The following PREX1 variants were observed in gnomAD, a reference collection of about 807,000 sequenced individuals.
The protein encoded by PREX1 is phosphatidylinositol-3,4,5-trisphosphate dependent Rac exchange factor 1.
In PREX1, 41 loss-of-function variants were observed where a neutral mutation model predicts 198.3. That is an observed-to-expected ratio of 0.21 (90% CI 0.16 to 0.27). The LOEUF (loss-of-function observed/expected upper bound fraction) is 0.27. Among genes scored for constraint, PREX1 ranks in the 10% least tolerant of loss-of-function variants. PREX1 has a pLI of 1.00. For synonymous variants in PREX1, 843 were observed against 887.2 expected, an observed-to-expected ratio of 0.95 and a Z score of 0.89; for missense variants, 1,620 against 2,200.7, an observed-to-expected ratio of 0.74 and a Z score of 5.28.
chr20:48,680,757 C>T (rs758056185), intron 11 of PREX1, among the ~76,000 whole-genome samples: 1 of 151,954 alleles, frequency 6.6e-6, no homozygotes, highest in African/African-American at 2.4e-5. Context: ...CAAAAGTGAA[C>T]GCCAACACCA....
intron 1 of PREX1, among the ~76,000 whole-genome samples, chr20:48,754,512 C>G (rs1008236869): frequency 1.3e-5 from 2 of 152,058 alleles, no homozygotes; most frequent in African/African-American, 4.8e-5. Context: ...AAATCTCTCC[C>G]TGGAGATAAA....
intron 1 of PREX1, among the ~76,000 whole-genome samples, chr20:48,817,612 C>T (rs60545419): frequency 0.01 from 1,534 of 152,258 alleles, 19 homozygotes; most frequent in African/African-American, 0.035. Context: ...GACAATCTGG[C>T]TAGGCCCCTG....
chr20:48,645,057 A>C (rs901318487), intron 26 of PREX1, among the ~76,000 whole-genome samples: 3 of 152,276 alleles, frequency 2.0e-5, no homozygotes, highest in African/African-American at 7.2e-5. Context: ...GACTATGGAC[A>C]TGAGGCTCTG....
chr20:48,747,958 G>A (rs2090116994), intron 1 of PREX1, 78 bp from the exon 2 acceptor site: 1 of 1,323,078 alleles, frequency 7.6e-7, no homozygotes, highest in Admixed American at 1.9e-5. Context: ...AGGCTCTCAA[G>A]TTCAAATGCC....
At chr20:48,824,697 T>G (rs941355755) in intron 1 of PREX1, among the ~76,000 whole-genome samples, 3 of 152,172 alleles carry the variant, frequency 2.0e-5, no homozygotes, top group Admixed American at 2.0e-4. Context: ...GTTAAGGTGT[T>G]TGCCCAAGGT....
At chr20:48,767,789 C>A (rs542652365) in intron 1 of PREX1, among the ~76,000 whole-genome samples, 21 of 152,190 alleles carry the variant, frequency 1.4e-4, no homozygotes, top group African/African-American at 4.8e-4. Context: ...TGCTGTTCCC[C>A]GCCCCTCATC....
chr20:48,855,080 T>A, the PREX1 span, among the ~76,000 whole-genome samples: 1 of 152,162 alleles, frequency 6.6e-6, no homozygotes, highest in Admixed American at 6.5e-5. Context: ...AATATGATTA[T>A]CATACCGATT....
At position 48,791,622 on chromosome 20, in the gene PREX1, G is replaced by A. The variant is rs564883177; in HGVS notation, c.219+36020C>T. On this transcript the variant is annotated intron_variant, in intron 1 of 39. Coordinates refer to ENST00000371941, the MANE Select transcript of PREX1 (RefSeq NM_020820.4). ...GGTCAGGTTTCAACACAATTGAAAC[G>A]GACAAGAGCCAGAACTCCCCAGGAA... is the stretch of plus-strand genomic sequence containing the variant. Among the ~76,000 whole-genome samples the A allele has an allele frequency of 4.6e-5, 7 of 152,258 alleles. No individual in the cohort carries two copies. The East Asian group carries it at 9.7e-4, about 21-fold the overall frequency.
chr20:48,666,510 GATT>G lies in PREX1; in HGVS notation c.1666-158_1666-156del, dbSNP rs1176580806. Among the ~76,000 whole-genome samples, 1 of 150,552 alleles carries G rather than the reference GATT, an allele frequency of 6.6e-6. No homozygotes were observed. Among genetic ancestry groups the G allele is most frequent in the Non-Finnish European group, 1.5e-5 (1 of 67,516 alleles). On this transcript the variant is annotated intron_variant, in intron 14 of 39. Transcript: ENST00000371941. The surrounding 1 kb of genome is among the most constrained non-coding windows in gnomAD (Gnocchi z 4.3). Reference sequence around the variant, plus strand: ...TGCAGTAACCCCAAAACGGGTTTGTGATTATTATTTTTTATTATTATTATTATT... The same window carrying G: ...TGCAGTAACCCCAAAACGGGTTTGTGATTATTTTTTATTATTATTATTATT...
chr20:48,726,147 G>T, intron 5 of PREX1, 143 bp downstream of exon 5: 1 of 657,402 alleles, frequency 1.5e-6, no homozygotes, highest in South Asian at 1.9e-5. Flanking sequence ...GAACGAGAGA[G>T]AAAGAGGCAG....
intron 3 of PREX1, among the ~76,000 whole-genome samples, chr20:48,735,323 T>G (rs1339923948): frequency 1.3e-5 from 2 of 151,922 alleles, no homozygotes; most frequent in African/African-American, 2.4e-5. Flanking sequence ...GATGGGGGTG[T>G]GCAAGAGACC....
chr20:48,719,368 T>G (rs2089975978), intron 5 of PREX1, among the ~76,000 whole-genome samples: 1 of 151,880 alleles, frequency 6.6e-6, no homozygotes, highest in African/African-American at 2.4e-5. Context: ...GGAAAGAGCC[T>G]AAGCACAGGC....
At chr20:48,846,394 T>A in the PREX1 span, among the ~76,000 whole-genome samples, 1 of 152,218 alleles carries the variant, frequency 6.6e-6, no homozygotes, top group African/African-American at 2.4e-5. Context: ...TGAACTTGAC[T>A]TCTGGCTTGG....
the PREX1 span, among the ~76,000 whole-genome samples, chr20:48,844,691 C>A: frequency 6.6e-6 from 1 of 152,160 alleles, no homozygotes; most frequent in Non-Finnish European, 1.5e-5. Flanking sequence ...GGAGACCGTG[C>A]CATCATGGTA....
intron 1 of PREX1, among the ~76,000 whole-genome samples, chr20:48,762,254 G>T (rs1568854689): frequency 6.6e-6 from 1 of 152,102 alleles, no homozygotes; most frequent in Non-Finnish European, 1.5e-5. Flanking sequence ...ACTCCTTTGG[G>T]CTCCTCAGTT....
chr20:48,771,019 TAC>T (rs1568858098), intron 1 of PREX1, among the ~76,000 whole-genome samples: 1 of 152,112 alleles, frequency 6.6e-6, no homozygotes, highest in Admixed American at 6.5e-5. Context: ...TTTCAGTATG[TAC>T]AGTTGCCTTT....
intron 29 of PREX1, among the ~76,000 whole-genome samples, chr20:48,641,874 G>GGAAC (rs1303268596): frequency 7.6e-6 from 1 of 131,758 alleles, no homozygotes; most frequent in Non-Finnish European, 1.6e-5. Context: ...AAGGAAGGAA[G>GGAAC]GAAGGAAGGA....
chr20:48,865,077 C>A, the PREX1 span, among the ~76,000 whole-genome samples: 5 of 151,996 alleles, frequency 3.3e-5, no homozygotes, highest in Admixed American at 3.3e-4. Flanking sequence ...TGGGATCATT[C>A]AAATCAGTAG....
intron 1 of PREX1, among the ~76,000 whole-genome samples, chr20:48,753,671 A>G (rs1171596972): frequency 6.6e-6 from 1 of 152,036 alleles, no homozygotes; most frequent in Non-Finnish European, 1.5e-5. Context: ...TTCTCACCCC[A>G]CTGGCTCAGC....
Sources: allele counts gnomAD v4.1 joint callset (sites outside exome capture counted in the v4.1 genomes callset), GRCh38; gene constraint gnomAD v4.1.1; non-coding constraint Gnocchi (gnomAD v3.1); transcripts MANE v1.5; gene names NCBI Gene and HGNC (gene_info 2026-07-23, HGNC 2026-07-21).